Variants in DLGAP1 observed in about 807,000 individuals in gnomAD.
DLGAP1 encodes DLG associated protein 1, also known as disks large-associated protein 1.
In DLGAP1, 11 loss-of-function variants were observed where a neutral mutation model predicts 90.8. The observed-to-expected ratio is 0.12, with a 90% CI of 0.08 to 0.20. The LOEUF (loss-of-function observed/expected upper bound fraction) is 0.20. Ranked by LOEUF, DLGAP1 falls within the 10% of genes least tolerant of loss-of-function variation. DLGAP1 has a pLI of 1.00. For missense variants in DLGAP1, 1,050 were observed against 1,333.8 expected, an observed-to-expected ratio of 0.79 and a Z score of 3.31; for synonymous variants, 558 against 540.7, an observed-to-expected ratio of 1.03 and a Z score of -0.44.
intron 5 of DLGAP1, chr18:3,774,744 C>A (rs186294755): frequency 6.6e-6 from 1 of 152,168 alleles, no homozygotes; most frequent in Non-Finnish European, 1.5e-5. Context: ...ACCTGTACCC[C>A]AAAATATGGA....
At position 3,563,179 on chromosome 18, in the gene DLGAP1, T is replaced by G. The variant is rs2054241002; in HGVS notation, c.2057+4311A>C. ...TAAGATGTTCTTTCCCTCTCACTTT[T>G]TTCAAGATTTTTAAAGTCTTATTTT... On this transcript the variant is annotated intron_variant, in intron 9 of 12. Transcript: ENST00000315677. Among the ~76,000 whole-genome samples, 3 of 152,298 alleles carry G rather than the reference T, an allele frequency of 2.0e-5. No individual in the cohort carries two copies. The South Asian group carries it at 6.2e-4, about 32-fold the overall frequency.
chr18:4,071,832 T>A (rs2075451527), intron 2 of DLGAP1, among the ~76,000 whole-genome samples: 1 of 152,200 alleles, frequency 6.6e-6, no homozygotes, highest in South Asian at 2.1e-4. Flanking sequence ...TACCCATTCA[T>A]CATTACAGAG....
intron 7 of DLGAP1, among the ~76,000 whole-genome samples, chr18:3,668,508 T>TG (rs1417923119): frequency 6.6e-6 from 1 of 152,046 alleles, no homozygotes; most frequent in Non-Finnish European, 1.5e-5. Flanking sequence ...TTTGTAGAGA[T>TG]GGGGGTCTCA....
chr18:4,156,959 A>G (rs962413575), intron 1 of DLGAP1, among the ~76,000 whole-genome samples: 2 of 152,238 alleles, frequency 1.3e-5, no homozygotes, highest in Admixed American at 6.5e-5. Context: ...TCTAGGGTGA[A>G]ATCTTTAAAG....
intron 10 of DLGAP1, among the ~76,000 whole-genome samples, chr18:3,516,882 G>GA (rs1293158391): frequency 6.6e-6 from 1 of 152,204 alleles, no homozygotes; most frequent in Non-Finnish European, 1.5e-5. Context: ...ATGAGATTTG[G>GA]ATGGGGACAC....
At chr18:3,977,849 C>A in intron 3 of DLGAP1, 1 of 392,384 alleles carries the variant, frequency 2.5e-6, no homozygotes, top group South Asian at 2.0e-5. Context: ...TCAAGGGTCC[C>A]CTCTGATGCC....
intron 1 of DLGAP1, among the ~76,000 whole-genome samples, chr18:4,436,757 G>T (rs973509685): frequency 6.6e-6 from 1 of 152,156 alleles, no homozygotes; most frequent in Non-Finnish European, 1.5e-5. Flanking sequence ...CTTGGATTCA[G>T]CAAGACATCT....
chr18:4,162,939 T>C (rs566540161), intron 1 of DLGAP1, among the ~76,000 whole-genome samples: 2 of 152,254 alleles, frequency 1.3e-5, no homozygotes, highest in Admixed American at 1.3e-4. Context: ...CATAATATCA[T>C]TCTGTTTTGA....
chr18:4,156,190 T>C (rs2076753163), intron 1 of DLGAP1, among the ~76,000 whole-genome samples: 1 of 152,192 alleles, frequency 6.6e-6, no homozygotes, highest in African/African-American at 2.4e-5. Flanking sequence ...CTGGCCATAT[T>C]GATTGAATTA....
rs757087090 is a variant in DLGAP1, at chr18:3,729,274, G to C, written c.1452C>G (p.Pro484=). The change falls in exon 7 of 13, where the codon CCC becomes CCG. Residue 484 remains proline (P), a synonymous_variant. Transcript: ENST00000315677. This position sits in a 1 kb window ranked among gnomAD's most constrained non-coding sequence, Gnocchi z 6.2. The part of the protein sequence containing the change: ...QAVEALDLPM[P]GCFRMRSHSY... ...TGTGGCTCCGCATGCGGAAGCAGCC[G>C]GGCATGGGCAGGTCCAGCGCTTCCA... is the stretch of plus-strand genomic sequence containing the variant. 2 of 1,614,088 alleles carry C rather than the reference G, an allele frequency of 1.2e-6. No individual in the cohort carries two copies. Among genetic ancestry groups the C allele is most frequent in the Non-Finnish European group, 1.7e-6 (2 of 1,179,978 alleles).
At chr18:4,178,760 A>C (rs1209631954) in intron 1 of DLGAP1, among the ~76,000 whole-genome samples, 17 of 152,160 alleles carry the variant, frequency 1.1e-4, no homozygotes, top group Non-Finnish European at 7.4e-5. Context: ...GAGCTTGATA[A>C]ATCTCATGTA....
rs60379984 is a variant in DLGAP1 at position 4,354,887 on chromosome 18, C to CAAAAAAAAAAAAAAAAAAAA, written c.-267+100099_-267+100118dup. Among the ~76,000 whole-genome samples the CAAAAAAAAAAAAAAAAAAAA allele has an allele frequency of 2.9e-4, 7 of 23,874 alleles. 1 individual carries two copies. Among genetic ancestry groups the CAAAAAAAAAAAAAAAAAAAA allele is most frequent in the East Asian group, 2.0e-3 (1 of 506 alleles). 15.7% of individuals were successfully genotyped at this position (23,874 alleles called of 152,430 possible). On this transcript the variant is annotated intron_variant, in intron 1 of 12. Coordinates refer to ENST00000315677, the MANE Select transcript of DLGAP1 (RefSeq NM_004746.4). ...TGGCTTTTTCTGCAATTACTCTCAC[C>CAAAAAAAAAAAAAAAAAAAA]AAAAAAAAAAAAAAAAAAAAAAAAA...
intron 2 of DLGAP1, among the ~76,000 whole-genome samples, chr18:4,033,514 A>G (rs1296314635): frequency 6.6e-6 from 1 of 152,158 alleles, no homozygotes; most frequent in African/African-American, 2.4e-5. Context: ...CAGAAATAAA[A>G]CTGTTGGATA....
intron 1 of DLGAP1, among the ~76,000 whole-genome samples, chr18:4,178,396 T>A (rs2077153243): frequency 6.6e-6 from 1 of 152,160 alleles, no homozygotes. Flanking sequence ...TACTTGATTC[T>A]AAAACATGTT....
chr18:3,644,401 TTTTATTTA>T (rs376019924), intron 7 of DLGAP1, among the ~76,000 whole-genome samples: 7 of 150,682 alleles, frequency 4.6e-5, no homozygotes, highest in Admixed American at 6.6e-5. Context: ...TACTATTTTA[TTTTATTTA>T]TTTATTTATT....
intron 3 of DLGAP1, 110 bp downstream of exon 3, chr18:4,005,006 C>G (rs2074274652): frequency 6.6e-6 from 1 of 151,348 alleles, no homozygotes; most frequent in African/African-American, 2.4e-5. Context: ...GGATGTTGGC[C>G]TTTTACTTTG....
At chr18:4,297,157 A>G (rs2080003596) in intron 1 of DLGAP1, among the ~76,000 whole-genome samples, 1 of 152,224 alleles carries the variant, frequency 6.6e-6, no homozygotes, top group African/African-American at 2.4e-5. Context: ...AGTATAAGGA[A>G]GATATGCCAA....
At chr18:4,345,583 A>T (rs2081288250) in intron 1 of DLGAP1, among the ~76,000 whole-genome samples, 2 of 152,236 alleles carry the variant, frequency 1.3e-5, no homozygotes, top group African/African-American at 4.8e-5. Flanking sequence ...GGTTTCACAC[A>T]ACTATATTTC....
Position 3,796,036 on chromosome 18 carries a change from C to T in DLGAP1, c.1172+18023G>A, listed in dbSNP as rs79410104. 2.6e-3 allele frequency among the ~76,000 whole-genome samples: 402 copies of T among 152,254 alleles called. 10 individuals are homozygous for T. In the East Asian group the frequency reaches 0.058, roughly 22 times the overall value. On this transcript the variant is annotated intron_variant, in intron 5 of 12. Coordinates refer to ENST00000315677, the MANE Select transcript of DLGAP1 (RefSeq NM_004746.4). The stretch of plus-strand genomic sequence containing the variant: ...CGATTAAGGAGTTAAGGACCAACAT[C>T]GCCCACTGAGTTATTGCCAATTAGT...
Sources: allele counts gnomAD v4.1 joint callset (sites outside exome capture counted in the v4.1 genomes callset), GRCh38; gene constraint gnomAD v4.1.1; non-coding constraint Gnocchi (gnomAD v3.1); transcripts MANE v1.5; gene names NCBI Gene and HGNC (gene_info 2026-07-23, HGNC 2026-07-21).